The following DNAH9 variants were observed in gnomAD, a reference collection of about 807,000 sequenced individuals.
The protein encoded by DNAH9 is DNAH9 variant protein.
DNAH9 carries 345 observed loss-of-function variants against 471.6 expected under a neutral mutation model. The ratio of observed to expected loss-of-function variants is 0.73; its 90% CI spans 0.67 to 0.80. The LOEUF (loss-of-function observed/expected upper bound fraction) is 0.80. DNAH9 is among the 30% of genes least tolerant of loss of function. The pLI, the probability that DNAH9 is intolerant of heterozygous loss-of-function variation, is 0.00. For missense variants in DNAH9, 5,407 were observed against 5,609.2 expected, an observed-to-expected ratio of 0.96 and a Z score of 1.15; for synonymous variants, 2,093 against 2,123.6, an observed-to-expected ratio of 0.99 and a Z score of 0.40.
chr17:11,909,052 T>C (rs1178487521), intron 61 of DNAH9, among the ~76,000 whole-genome samples: 2 of 152,254 alleles, frequency 1.3e-5, no homozygotes, highest in Admixed American at 1.3e-4. Flanking sequence ...GAATTACTTA[T>C]GCTCCATACA....
intron 45 of DNAH9, among the ~76,000 whole-genome samples, chr17:11,814,531 T>C (rs906640384): frequency 1.3e-5 from 2 of 152,358 alleles, no homozygotes; most frequent in African/African-American, 4.8e-5. Context: ...TTCTATGTAT[T>C]CATATATTCA....
At chr17:11,810,574 G>A (rs1969857126) in intron 45 of DNAH9, among the ~76,000 whole-genome samples, 1 of 152,136 alleles carries the variant, frequency 6.6e-6, no homozygotes, top group Non-Finnish European at 1.5e-5. Flanking sequence ...TTATTTCATT[G>A]CAAAACAGAC....
At chr17:11,961,293 C>T (rs1976155004) in intron 67 of DNAH9, among the ~76,000 whole-genome samples, 1 of 151,964 alleles carries the variant, frequency 6.6e-6, no homozygotes, top group Non-Finnish European at 1.5e-5. Context: ...CCAGCCTGGG[C>T]AATAGAGTGA....
At chr17:11,911,499 T>C (rs992683072) in intron 61 of DNAH9, among the ~76,000 whole-genome samples, 4 of 152,244 alleles carry the variant, frequency 2.6e-5, no homozygotes, top group Non-Finnish European at 5.9e-5. Context: ...TTGTGTTTGC[T>C]ACTCTGGGTC....
intron 6 of DNAH9, among the ~76,000 whole-genome samples, chr17:11,628,977 T>A (rs185055699): frequency 1.3e-5 from 2 of 152,258 alleles, no homozygotes; most frequent in Non-Finnish European, 2.9e-5. Flanking sequence ...GATCTAATAA[T>A]AAGGTTATGA....
At chr17:11,801,461 GGGTGGATCACCTGA>G (rs1481027300) in intron 43 of DNAH9, among the ~76,000 whole-genome samples, 1 of 152,110 alleles carries the variant, frequency 6.6e-6, no homozygotes, top group Non-Finnish European at 1.5e-5. Flanking sequence ...AGGCCGATGC[GGGTGGATCACCTGA>G]GGTCAGGAGT....
chr17:11,735,114 C>A (rs1208541938), intron 28 of DNAH9, among the ~76,000 whole-genome samples: 1 of 152,152 alleles, frequency 6.6e-6, no homozygotes, highest in African/African-American at 2.4e-5. Flanking sequence ...AGGTTAAGTG[C>A]CTTATGTCTT....
chr17:11,613,320 T>TA (rs1001415638), intron 4 of DNAH9, among the ~76,000 whole-genome samples: 6 of 152,010 alleles, frequency 3.9e-5, no homozygotes, highest in East Asian at 3.9e-4. Context: ...GAAAGTTTTT[T>TA]AAAAAAAATA....
At chr17:11,653,061 G>T (rs2150704189) in intron 14 of DNAH9, 59 bp downstream of exon 14, 1 of 1,568,538 alleles carries the variant, frequency 6.4e-7, no homozygotes, top group East Asian at 2.2e-5. Flanking sequence ...ATCAAAAAGT[G>T]TGTTTGGATG....
At chr17:11,651,479 A>G (rs1307465805) in intron 13 of DNAH9, among the ~76,000 whole-genome samples, 155 bp downstream of exon 13, 1 of 152,004 alleles carries the variant, frequency 6.6e-6, no homozygotes, top group African/African-American at 2.4e-5. Context: ...AGAAGGCAAG[A>G]AGGGTTGGTA....
intron 26 of DNAH9, among the ~76,000 whole-genome samples, chr17:11,706,843 G>A (rs2074710616): frequency 6.6e-6 from 1 of 152,168 alleles, no homozygotes; most frequent in Non-Finnish European, 1.5e-5. Context: ...CATATTGGTG[G>A]CAAAGTCACA....
chr17:11,608,408 G>T (rs2072555484), intron 2 of DNAH9, 83 bp downstream of exon 2: 1 of 1,105,968 alleles, frequency 9.0e-7, no homozygotes. Context: ...CAACTTTTCT[G>T]TTCCTGACTC....
intron 28 of DNAH9, among the ~76,000 whole-genome samples, chr17:11,736,098 A>G (rs932676498): frequency 6.6e-6 from 1 of 152,130 alleles, no homozygotes; most frequent in African/African-American, 2.4e-5. Context: ...GCCTCCCCTT[A>G]ATGCTAACAT....
intron 26 of DNAH9, among the ~76,000 whole-genome samples, chr17:11,713,442 G>A (rs1174954726): frequency 6.6e-6 from 1 of 152,002 alleles, no homozygotes; most frequent in African/African-American, 2.4e-5. Context: ...TGGGTCAAAT[G>A]GTAGTCCTGC....
intron 67 of DNAH9, among the ~76,000 whole-genome samples, chr17:11,947,884 C>A (rs148335248): frequency 6.8e-6 from 1 of 147,106 alleles, no homozygotes; most frequent in Non-Finnish European, 1.5e-5. Flanking sequence ...CGGGTTCAAG[C>A]GATTCTCCTG....
At chr17:11,772,787 C>G (rs996012492) in intron 38 of DNAH9, among the ~76,000 whole-genome samples, 1 of 152,188 alleles carries the variant, frequency 6.6e-6, no homozygotes, top group Non-Finnish European at 1.5e-5. Context: ...GTTCCATAAC[C>G]TCTCCTGTCC....
At chr17:11,704,791 C>T (rs952699159) in intron 25 of DNAH9, among the ~76,000 whole-genome samples, 1 of 152,154 alleles carries the variant, frequency 6.6e-6, no homozygotes, top group African/African-American at 2.4e-5. Context: ...CCATGTTGGT[C>T]AGGCTGGTCT....
chr17:11,809,795 T>C (rs560194422), intron 44 of DNAH9, among the ~76,000 whole-genome samples: 2 of 152,022 alleles, frequency 1.3e-5, no homozygotes, highest in Non-Finnish European at 2.9e-5. Flanking sequence ...GTCTTCCATA[T>C]AAGTATGTAA....
intron 67 of DNAH9, among the ~76,000 whole-genome samples, chr17:11,945,487 G>A (rs1320960256): frequency 2.7e-5 from 4 of 149,368 alleles, no homozygotes; most frequent in African/African-American, 9.9e-5. Flanking sequence ...GCAGTGAGCC[G>A]ACACTGTGAC....
Sources: gnomAD v4.1 joint callset for allele counts (sites outside exome capture counted in the v4.1 genomes callset) on GRCh38, gnomAD v4.1.1 for gene constraint, MANE v1.5 for transcripts, NCBI Gene and HGNC (gene_info 2026-07-23, HGNC 2026-07-21) for gene names.